The following APOL1 variants were observed in gnomAD, a reference collection of about 807,000 sequenced individuals.
APOL1 encodes apolipoprotein L1.
APOL1 carries 17 observed loss-of-function variants against 14.9 expected under a neutral mutation model. The observed-to-expected ratio is 1.14, with a 90% CI of 0.78 to 1.71. APOL1 has a LOEUF of 1.71. Among genes scored for constraint, APOL1 ranks in the 40% most tolerant of loss-of-function variants. The pLI is 0.00. For synonymous variants in APOL1, 195 were observed against 184.8 expected (o/e 1.05, Z -0.45); for missense variants, 523 against 485.9 (o/e 1.08, Z -0.72).
chr22:36,254,541 T>C (rs1603481869), intron 1 of APOL1, among the ~76,000 whole-genome samples: 1 of 152,092 alleles, frequency 6.6e-6, no homozygotes, highest in Non-Finnish European at 1.5e-5. Context: ...CCCTGCAGCC[T>C]GGGTGACAGA....
At chr22:36,254,887 T>C (rs2146294655) in intron 1 of APOL1, 50 bp from the exon 2 acceptor site, 2 of 1,604,416 alleles carry the variant, frequency 1.2e-6, no homozygotes, top group South Asian at 2.2e-5. Context: ...ATGAAAATGG[T>C]GATTTCTCAG....
At position 36,265,498 on chromosome 22, in the gene APOL1, C is replaced by A. The variant is rs770867795; in HGVS notation, c.662C>A (p.Thr221Asn). ...GMELGITAAL[T>N]GITSSTMDYG... is the part of the protein sequence containing the mutation. Reference sequence around the variant, plus strand: ...GAGTTGGGAATCACAGCCGCTTTGACCGGGATTACCAGCAGTACCATGGAC... The same window carrying A: ...GAGTTGGGAATCACAGCCGCTTTGAACGGGATTACCAGCAGTACCATGGAC... Residue 221 changes from threonine (T) to asparagine (N), a missense_variant, in exon 6 of 6, where the codon ACC becomes AAC. Coordinates refer to ENST00000397278, the MANE Select transcript of APOL1 (RefSeq NM_003661.4). 1 of 1,613,970 alleles carries A rather than the reference C, an allele frequency of 6.2e-7. No individual in the cohort carries two copies. Among genetic ancestry groups the A allele is most frequent in the Non-Finnish European group, 8.5e-7 (1 of 1,179,926 alleles).
intron 4 of APOL1, chr22:36,260,048 T>C (rs190322046): frequency 1.2e-6 from 1 of 813,686 alleles, no homozygotes. Context: ...TCCTGCTTGA[T>C]GGTTTTGGGC....
intron 2 of APOL1, among the ~76,000 whole-genome samples, chr22:36,256,235 A>T (rs1248100818): frequency 3.9e-5 from 6 of 152,320 alleles, no homozygotes; most frequent in South Asian, 2.1e-4. Flanking sequence ...ACTGAAAGAA[A>T]GGGCATCTTC....
At chr22:36,258,231 G>A (rs926293125) in intron 4 of APOL1, among the ~76,000 whole-genome samples, 1 of 152,152 alleles carries the variant, frequency 6.6e-6, no homozygotes, top group Non-Finnish European at 1.5e-5. Context: ...CCTCAGGCAG[G>A]GGCTGAGTTC....
At chr22:36,255,655 G>A (rs566269752) in intron 2 of APOL1, among the ~76,000 whole-genome samples, 34 of 150,416 alleles carry the variant, frequency 2.3e-4, no homozygotes, top group Admixed American at 4.6e-4. Flanking sequence ...GGGGGCTTTA[G>A]TATGAGAGCT....
intron 1 of APOL1, chr22:36,254,047 C>A: frequency 6.2e-7 from 1 of 1,600,004 alleles, no homozygotes; most frequent in Non-Finnish European, 8.6e-7. Flanking sequence ...GAAGGAGAAT[C>A]AAACCTGGAA....
chr22:36,257,831 G>A (rs1478680210), intron 4 of APOL1, among the ~76,000 whole-genome samples: 2 of 152,124 alleles, frequency 1.3e-5, no homozygotes, highest in Non-Finnish European at 2.9e-5. Context: ...ACCTGAGGCT[G>A]GTCCCCTCCC....
chr22:36,254,111 G>C, intron 1 of APOL1: 1 of 1,110,066 alleles, frequency 9.0e-7, no homozygotes, highest in Non-Finnish European at 1.3e-6. Flanking sequence ...AGTCACAAGG[G>C]CAGATGTTGG....
chr22:36,255,405 G>C (rs1397551477), intron 2 of APOL1, among the ~76,000 whole-genome samples: 1 of 152,278 alleles, frequency 6.6e-6, no homozygotes, highest in Non-Finnish European at 1.5e-5. Context: ...TGGCCTAGGG[G>C]ATCACACAGT....
intron 4 of APOL1, 163 bp downstream of exon 4, chr22:36,257,570 T>C: frequency 1.4e-6 from 1 of 721,332 alleles, no homozygotes; most frequent in Non-Finnish European, 2.4e-6. Flanking sequence ...GACCCAGGGG[T>C]CTGGGGGTCA....
chr22:36,256,397 T>C (rs2015879061), intron 2 of APOL1, among the ~76,000 whole-genome samples: 2 of 152,222 alleles, frequency 1.3e-5, no homozygotes, highest in African/African-American at 2.4e-5. Flanking sequence ...CAAAGTTTTA[T>C]GCGAAGAAGG....
intron 4 of APOL1, chr22:36,257,661 A>T: frequency 1.0e-5 from 3 of 298,204 alleles, no homozygotes; most frequent in Non-Finnish European, 1.9e-5. Context: ...AAATGACTCA[A>T]GTGGGGCAGG....
intron 4 of APOL1, chr22:36,259,699 A>G (rs1327503408): frequency 4.6e-6 from 6 of 1,303,378 alleles, no homozygotes; most frequent in Non-Finnish European, 6.1e-6. Context: ...GACAGTGGAG[A>G]GCCGTGTACC....
chr22:36,255,738 C>G (rs2015852930), intron 2 of APOL1, among the ~76,000 whole-genome samples: 2 of 150,950 alleles, frequency 1.3e-5, no homozygotes, highest in Admixed American at 1.3e-4. Flanking sequence ...CAAAGACCAG[C>G]TGCTGGAAGT....
At position 36,257,415 on chromosome 22, in the gene APOL1, C is replaced by T. The variant is rs1027903817; in HGVS notation, c.187+8C>T. 1.3e-5 allele frequency: 21 copies of T among 1,611,944 alleles called. No homozygotes were observed. Among genetic ancestry groups the T allele is most frequent in the African/African-American group, 5.3e-5 (4 of 74,866 alleles). ...CTGGCACCATGGACCCAGGTAGGCT[C>T]ACCTCCTCTTCCCTGCTGGTTCCTA... On this transcript the variant is annotated splice_region_variant and intron_variant, in intron 4 of 5. Transcript: ENST00000397278.
intron 4 of APOL1, among the ~76,000 whole-genome samples, 175 bp from the exon 5 acceptor site, chr22:36,261,419 AGC>A (rs2016067263): frequency 6.6e-6 from 1 of 152,128 alleles, no homozygotes; most frequent in African/African-American, 2.4e-5. Context: ...CTGAGTTTAA[AGC>A]TTCAGCATAT....
Position 36,265,883 on chromosome 22 carries a change from A to T in APOL1, c.1047A>T (p.Val349=), listed in dbSNP as rs1295824944. 1 of 1,614,070 alleles carries T rather than the reference A, an allele frequency of 6.2e-7. No homozygotes were observed. The highest frequency in any genetic ancestry group is 2.2e-5 in the East Asian group (1 of 44,892). ...APVSFFLVLD[V]VYLVYESKHL... ...TAAGCTTCTTTCTTGTGCTGGATGT[A>T]GTCTACCTCGTGTACGAATCAAAGC... Residue 349 remains valine, a synonymous_variant, in exon 6 of 6, where the codon GTA becomes GTT. Coordinates refer to ENST00000397278, the MANE Select transcript of APOL1 (RefSeq NM_003661.4).
At chr22:36,253,871 C>T (rs1603481839) in intron 1 of APOL1, 2 of 1,480,024 alleles carry the variant, frequency 1.4e-6, no homozygotes, top group East Asian at 4.5e-5. Context: ...ACAGGCTGTG[C>T]TGTGTCCCTA....
Sources: gnomAD v4.1 joint callset for allele counts (sites outside exome capture counted in the v4.1 genomes callset) on GRCh38, gnomAD v4.1.1 for gene constraint, MANE v1.5 for transcripts, NCBI Gene and HGNC (gene_info 2026-07-23, HGNC 2026-07-21) for gene names.